Variants in GNAQ observed in about 807,000 individuals in gnomAD.
The protein encoded by GNAQ is guanine nucleotide-binding protein G(q) subunit alpha.
In GNAQ, 8 loss-of-function variants were observed where a neutral mutation model predicts 43.9. The observed-to-expected ratio is 0.18, with a 90% confidence interval of 0.11 to 0.33. The LOEUF is 0.33. Among genes scored for constraint, GNAQ ranks in the 10% least tolerant of loss-of-function variants. The pLI is 1.00. For missense variants in GNAQ, 158 were observed against 450.8 expected, an observed-to-expected ratio of 0.35 and a Z score of 5.88; for synonymous variants, 155 against 170.7, an observed-to-expected ratio of 0.91 and a Z score of 0.71.
intron 1 of GNAQ, among the ~76,000 whole-genome samples, chr9:78,030,801 A>T (rs772790953): frequency 2.2e-4 from 33 of 152,082 alleles, no homozygotes; most frequent in Non-Finnish European, 2.9e-4. Flanking sequence ...CACAGCAGAT[A>T]AGGTACAGCC....
chr9:77,827,489 G>A (rs983485144), intron 2 of GNAQ, among the ~76,000 whole-genome samples: 7 of 150,674 alleles, frequency 4.6e-5, no homozygotes, highest in Admixed American at 4.0e-4. Flanking sequence ...TTTTTGAAAC[G>A]CTTTCATGTA....
chr9:77,941,907 TAC>T (rs10560776), intron 1 of GNAQ, among the ~76,000 whole-genome samples: 54,402 of 140,770 alleles, frequency 0.39, 11,343 homozygotes, highest in Admixed American at 0.48. Context: ...ACAACATACA[TAC>T]ACACACACAC....
chr9:77,822,154 A>G lies in GNAQ; in HGVS notation c.322-6384T>C, dbSNP rs28411045. Among the ~76,000 whole-genome samples the G allele has an allele frequency of 6.9e-3, 1,047 of 152,242 alleles. 12 individuals are homozygous for G. Among genetic ancestry groups the G allele is most frequent in the African/African-American group, 0.024 (1,014 of 41,548 alleles). ...AATCCATGAGCCTAGCATTGGGGAT[A>G]TTATTGAATTTTCCAAACTTGTTTG... On this transcript the variant is annotated intron_variant, in intron 2 of 6. Coordinates refer to ENST00000286548, the MANE Select transcript of GNAQ (RefSeq NM_002072.5).
At chr9:77,912,325 G>A (rs1471721774) in intron 2 of GNAQ, among the ~76,000 whole-genome samples, 1 of 152,176 alleles carries the variant, frequency 6.6e-6, no homozygotes, top group African/African-American at 2.4e-5. Context: ...TTCAATAAAT[G>A]AATTGGGTTA....
intron 1 of GNAQ, among the ~76,000 whole-genome samples, chr9:78,012,142 C>A (rs972184544): frequency 1.3e-5 from 2 of 151,904 alleles, no homozygotes; most frequent in Non-Finnish European, 2.9e-5. Context: ...AAATCTACTA[C>A]GTGGCAAGCA....
chr9:78,013,680 AACAG>A (rs1172689759), intron 1 of GNAQ, among the ~76,000 whole-genome samples: 2 of 152,228 alleles, frequency 1.3e-5, no homozygotes, highest in Non-Finnish European at 2.9e-5. Context: ...ATTTGTCTAT[AACAG>A]ACAGGAACAA....
At chr9:77,759,666 C>G (rs1488066290) in intron 5 of GNAQ, among the ~76,000 whole-genome samples, 1 of 152,018 alleles carries the variant, frequency 6.6e-6, no homozygotes, top group Non-Finnish European at 1.5e-5. Flanking sequence ...TGCCCTACAC[C>G]CTAGATAACT....
At chr9:77,798,792 A>G (rs1302921636) in intron 3 of GNAQ, among the ~76,000 whole-genome samples, 1 of 152,216 alleles carries the variant, frequency 6.6e-6, no homozygotes, top group Non-Finnish European at 1.5e-5. Flanking sequence ...CAGTAAAGAT[A>G]CAATTTTTCT....
chr9:77,956,132 T>A (rs531986399), intron 1 of GNAQ, among the ~76,000 whole-genome samples: 177 of 152,348 alleles, frequency 1.2e-3, no homozygotes, highest in African/African-American at 4.0e-3. Context: ...CCAGGACTTA[T>A]TCTAAAGTGT....
At chr9:78,019,961 G>C (rs1235407408) in intron 1 of GNAQ, among the ~76,000 whole-genome samples, 1 of 150,650 alleles carries the variant, frequency 6.6e-6, no homozygotes, top group Admixed American at 6.6e-5. Flanking sequence ...AGAGACTTTA[G>C]GAACCTTTAA....
At chr9:77,997,243 A>AT (rs1186558312) in intron 1 of GNAQ, among the ~76,000 whole-genome samples, 1 of 152,244 alleles carries the variant, frequency 6.6e-6, no homozygotes, top group East Asian at 1.9e-4. Context: ...GGTAACTTCT[A>AT]TGAGTATTCT....
chr9:77,786,126 C>T (rs905818543), intron 5 of GNAQ, among the ~76,000 whole-genome samples: 4 of 151,900 alleles, frequency 2.6e-5, no homozygotes, highest in African/African-American at 9.7e-5. Context: ...GCCTGTAATC[C>T]CAGCACTTTG....
At chr9:77,808,081 C>T (rs919687948) in intron 3 of GNAQ, among the ~76,000 whole-genome samples, 1 of 152,060 alleles carries the variant, frequency 6.6e-6, no homozygotes, top group African/African-American at 2.4e-5. Context: ...AAAGAAGAGG[C>T]CAAACTACTC....
intron 5 of GNAQ, among the ~76,000 whole-genome samples, chr9:77,773,021 C>T (rs1826250914): frequency 6.6e-6 from 1 of 152,254 alleles, no homozygotes. Flanking sequence ...GTGAGGCCCA[C>T]AGGCTATGGG....
intron 6 of GNAQ, among the ~76,000 whole-genome samples, chr9:77,726,036 G>C (rs1825392923): frequency 6.6e-6 from 1 of 152,074 alleles, no homozygotes; most frequent in South Asian, 2.1e-4. Flanking sequence ...GTGTGTGGCA[G>C]GCAAGCGTGT....
intron 2 of GNAQ, among the ~76,000 whole-genome samples, chr9:77,816,167 CAT>C (rs1383024121): frequency 6.6e-6 from 1 of 152,068 alleles, no homozygotes; most frequent in African/African-American, 2.4e-5. Flanking sequence ...TATAATCAAA[CAT>C]ATAATATAGC....
At chr9:77,860,556 G>T (rs1316247814) in intron 2 of GNAQ, among the ~76,000 whole-genome samples, 1 of 152,184 alleles carries the variant, frequency 6.6e-6, no homozygotes, top group Non-Finnish European at 1.5e-5. Context: ...GTGCAACCTA[G>T]ATCCCTCCTG....
intron 1 of GNAQ, among the ~76,000 whole-genome samples, chr9:77,999,670 C>A (rs1419998859): frequency 6.6e-6 from 1 of 152,184 alleles, no homozygotes; most frequent in Non-Finnish European, 1.5e-5. Context: ...CATTTACTGA[C>A]CATCTATGCT....
At chr9:77,861,503 T>C (rs1827850768) in intron 2 of GNAQ, among the ~76,000 whole-genome samples, 1 of 152,170 alleles carries the variant, frequency 6.6e-6, no homozygotes, top group South Asian at 2.1e-4. Flanking sequence ...CTTATGAGCC[T>C]GTAAAATCAA....
Sources: gnomAD v4.1 joint callset for allele counts (sites outside exome capture counted in the v4.1 genomes callset) on GRCh38, gnomAD v4.1.1 for gene constraint, MANE v1.5 for transcripts, NCBI Gene and HGNC (gene_info 2026-07-23, HGNC 2026-07-21) for gene names.